Variants in CADM2 observed in about 807,000 individuals in gnomAD.
CADM2 encodes immunoglobulin superfamily member 4D.
Under a neutral mutation model 49.8 loss-of-function variants are expected in CADM2, and 12 were observed. That is an observed-to-expected ratio of 0.24 (90% confidence interval 0.15 to 0.39). The LOEUF is 0.39. CADM2 is among the 10% of genes least tolerant of loss of function. CADM2 has a pLI of 1.00. For synonymous variants in CADM2, 214 were observed against 175.4 expected, an observed-to-expected ratio of 1.22 and a Z score of -1.74; for missense variants, 378 against 492.3, an observed-to-expected ratio of 0.77 and a Z score of 2.20.
rs192566383 is a variant in CADM2 at position 85,054,488 on chromosome 3, G to A, written c.61+94820G>A. Among the ~76,000 whole-genome samples the A allele has an allele frequency of 8.4e-4, 128 of 151,988 alleles. 1 individual carries two copies. The Middle Eastern group carries it at 0.02, about 24-fold the overall frequency. ...GTGACAAGGGATAATTAAGGGCTTTGAGTAGGTGAGCCATGGAATTACCTA... is the reference window on the plus strand; with the variant it reads ...GTGACAAGGGATAATTAAGGGCTTTAAGTAGGTGAGCCATGGAATTACCTA... On this transcript the variant is annotated intron_variant, in intron 1 of 9. Transcript: ENST00000383699.
chr3:85,764,527 T>A lies in CADM2; in HGVS notation c.89-37520T>A, dbSNP rs145259044. The stretch of plus-strand genomic sequence containing the variant: ...GGAAGCAGATATTTTATGTTCAAAG[T>A]CAAGTCTTTAGCACCAAGGAGTATT... On this transcript the variant is annotated intron_variant, in intron 2 of 9. Transcript: ENST00000383699. Among the ~76,000 whole-genome samples, 244 of 152,190 alleles carry A rather than the reference T, an allele frequency of 1.6e-3. 2 individuals carry two copies. Among genetic ancestry groups the A allele is most frequent in the Admixed American group, 2.0e-3 (30 of 15,274 alleles).
chr3:85,658,531 A>G (rs1437384868), intron 1 of CADM2, among the ~76,000 whole-genome samples: 1 of 143,294 alleles, frequency 7.0e-6, no homozygotes. Flanking sequence ...CCTATCTTCT[A>G]TGTATCCATC....
chr3:85,538,737 G>A (rs890746115), intron 1 of CADM2, among the ~76,000 whole-genome samples: 2 of 151,986 alleles, frequency 1.3e-5, no homozygotes, highest in Non-Finnish European at 2.9e-5. Flanking sequence ...CCCATTCACG[G>A]CTTCTGTGGG....
chr3:84,959,993 T>G, intron 1 of CADM2: 1 of 465,444 alleles, frequency 2.1e-6, no homozygotes, highest in Non-Finnish European at 3.9e-6. Flanking sequence ...TGTGCCTCTC[T>G]GAACATTCCA....
At chr3:85,465,136 C>A (rs892523829) in intron 1 of CADM2, among the ~76,000 whole-genome samples, 1 of 152,026 alleles carries the variant, frequency 6.6e-6, no homozygotes, top group Non-Finnish European at 1.5e-5. Context: ...GGAGACAGAA[C>A]GAGACTCTGT....
intron 3 of CADM2, among the ~76,000 whole-genome samples, chr3:85,844,010 G>A (rs2108271047): frequency 6.6e-6 from 1 of 152,174 alleles, no homozygotes; most frequent in South Asian, 2.1e-4. Context: ...AGGCTTTACG[G>A]ATCGGTCCCA....
At chr3:85,822,194 G>A (rs1161092803) in intron 3 of CADM2, among the ~76,000 whole-genome samples, 1 of 152,098 alleles carries the variant, frequency 6.6e-6, no homozygotes, top group African/African-American at 2.4e-5. Context: ...ATTAACATCA[G>A]TTATAGCAGA....
At chr3:86,065,341 A>C (rs1301940822) in intron 8 of CADM2, among the ~76,000 whole-genome samples, 2 of 152,232 alleles carry the variant, frequency 1.3e-5, no homozygotes, top group Non-Finnish European at 1.5e-5. Context: ...GTCTATAGCT[A>C]TACAAAATTA....
chr3:85,703,067 TACAC>T (rs1435196332), intron 1 of CADM2, among the ~76,000 whole-genome samples: 1 of 152,146 alleles, frequency 6.6e-6, no homozygotes, highest in Non-Finnish European at 1.5e-5. Context: ...TTAATACACA[TACAC>T]ACATGTAGAC....
At chr3:85,788,417 T>C (rs1482965174) in intron 2 of CADM2, among the ~76,000 whole-genome samples, 1 of 152,098 alleles carries the variant, frequency 6.6e-6, no homozygotes, top group East Asian at 1.9e-4. Flanking sequence ...CGAGTTAGAA[T>C]CCAAACATCT....
chr3:85,731,773 T>A (rs1207758799), intron 2 of CADM2, among the ~76,000 whole-genome samples: 2 of 151,910 alleles, frequency 1.3e-5, no homozygotes, highest in South Asian at 4.1e-4. Context: ...TATTAAATAA[T>A]TTCAACCACA....
chr3:85,349,911 G>A (rs760712855), intron 1 of CADM2, among the ~76,000 whole-genome samples: 10 of 152,174 alleles, frequency 6.6e-5, no homozygotes, highest in Non-Finnish European at 1.2e-4. Flanking sequence ...ACAGCAAGGT[G>A]GGAGTTTAAG....
At chr3:85,448,202 G>C (rs1362796287) in intron 1 of CADM2, among the ~76,000 whole-genome samples, 1 of 151,590 alleles carries the variant, frequency 6.6e-6, no homozygotes, top group African/African-American at 2.4e-5. Flanking sequence ...GCGTGGTGGC[G>C]GGCGCCTGTA....
chr3:85,216,191 A>T (rs1457341286), intron 1 of CADM2, among the ~76,000 whole-genome samples: 2 of 151,380 alleles, frequency 1.3e-5, no homozygotes, highest in Non-Finnish European at 2.9e-5. Flanking sequence ...TTTCATGAAA[A>T]AAAAATTTCC....
intron 2 of CADM2, among the ~76,000 whole-genome samples, chr3:85,755,703 G>T (rs546694452): frequency 6.6e-6 from 1 of 152,120 alleles, no homozygotes; most frequent in Non-Finnish European, 1.5e-5. Context: ...GTGAGAGAAG[G>T]GGGAGGTGCT....
rs549234942 is a variant in CADM2 at position 85,769,135 on chromosome 3, TA to T, written c.89-32911del. ...GTATATATACACATATATACATATA[TA>T]GTATATATACACATATATACATATA... On this transcript the variant is annotated intron_variant, in intron 2 of 9. Transcript: ENST00000383699. 3.2e-3 allele frequency among the ~76,000 whole-genome samples: 175 copies of T among 54,408 alleles called. 32 individuals carry two copies. The highest frequency in any genetic ancestry group is 0.013 in the East Asian group (15 of 1,156). 35.7% of individuals were successfully genotyped at this position (54,408 alleles called of 152,430 possible).
rs140289367 is a variant in CADM2, at chr3:85,643,814, G to A, written c.62-82708G>A. Among the ~76,000 whole-genome samples the A allele has an allele frequency of 1.2e-3, 189 of 152,076 alleles. 1 individual carries two copies. The highest frequency in any genetic ancestry group is 4.2e-3 in the African/African-American group (173 of 41,478). ...TTAAGGATTATTGTTATTATATGTG[G>A]AGTCATTGTTTAATCATAGATGTTA... On this transcript the variant is annotated intron_variant, in intron 1 of 9. Coordinates refer to ENST00000383699, the MANE Select transcript of CADM2 (RefSeq NM_001167675.2).
intron 8 of CADM2, chr3:86,012,469 G>C: frequency 1.3e-6 from 1 of 747,012 alleles, no homozygotes; most frequent in Non-Finnish European, 2.0e-6. Flanking sequence ...AGAGCCGGCC[G>C]ACCTGGCTCT....
intron 1 of CADM2, among the ~76,000 whole-genome samples, chr3:85,722,050 G>C (rs932216839): frequency 5.9e-5 from 9 of 151,910 alleles, no homozygotes; most frequent in Non-Finnish European, 1.2e-4. Context: ...CAAGGAAGAG[G>C]CTCTGGAGTG....
Sources: allele counts gnomAD v4.1 joint callset (sites outside exome capture counted in the v4.1 genomes callset), GRCh38; gene constraint gnomAD v4.1.1; transcripts MANE v1.5; gene names NCBI Gene and HGNC (gene_info 2026-07-23, HGNC 2026-07-21).